Variants in BCAS3 observed in about 807,000 individuals in gnomAD.
The protein encoded by BCAS3 is BCAS4/BCAS3 fusion.
Under a neutral mutation model 116.1 loss-of-function variants are expected in BCAS3, and 53 were observed. That is an observed-to-expected ratio of 0.46 (90% confidence interval 0.37 to 0.57). The LOEUF is 0.57. BCAS3 is among the 20% of genes least tolerant of loss of function. The pLI is 0.00. For missense variants in BCAS3, 917 were observed against 1,165.4 expected (o/e 0.79, Z 3.10); for synonymous variants, 391 against 408.2 (o/e 0.96, Z 0.51).
At chr17:60,753,383 T>TTTTTTTTA (rs1555694760) in intron 6 of BCAS3, among the ~76,000 whole-genome samples, 21 of 135,638 alleles carry the variant, frequency 1.5e-4, no homozygotes, top group South Asian at 9.9e-4. Flanking sequence ...TTGTCTCTTA[T>TTTTTTTTA]TTTATTTATT....
intron 19 of BCAS3, 24 bp from the exon 20 acceptor site, chr17:61,074,896 A>C: frequency 1.9e-6 from 3 of 1,545,752 alleles, no homozygotes; most frequent in Non-Finnish European, 2.7e-6. Flanking sequence ...GAAGTGGTTT[A>C]AATCTATTTT....
Position 61,045,900 on chromosome 17 carries a change from T to A in BCAS3, c.2029+5008T>A, listed in dbSNP as rs1600732695. Among the ~76,000 whole-genome samples, 2 of 36,772 alleles carry A rather than the reference T, an allele frequency of 5.4e-5. 1 individual carries two copies. The highest frequency in any genetic ancestry group is 1.6e-3 in the East Asian group (2 of 1,218). The allele number at this position is 36,772 out of a possible 152,430, so 24.1% of individuals were successfully genotyped here. ...AAATATATATTATATATATAATATA[T>A]ATAAATATATATTTATATATATAAT... On this transcript the variant is annotated intron_variant, in intron 19 of 23. Transcript: ENST00000407086.
At chr17:60,893,600 C>CTTTTTT (rs930873750) in intron 10 of BCAS3, among the ~76,000 whole-genome samples, 31 of 82,054 alleles carry the variant, frequency 3.8e-4, no homozygotes, top group African/African-American at 7.0e-4. Context: ...GACCTATGAT[C>CTTTTTT]TTTTTTTTTT....
chr17:61,085,325 A>AT (rs1460443934), intron 22 of BCAS3, among the ~76,000 whole-genome samples: 1 of 152,212 alleles, frequency 6.6e-6, no homozygotes, highest in Non-Finnish European at 1.5e-5. Flanking sequence ...CTCAAGTAGA[A>AT]TTATTAAATA....
rs955126165 is a variant in BCAS3 at position 61,332,895 on chromosome 17, C to T, written c.2426-35432C>T. 4.6e-5 allele frequency among the ~76,000 whole-genome samples: 7 copies of T among 152,266 alleles called. No homozygotes were observed. The highest frequency in any genetic ancestry group is 1.2e-4 in the African/African-American group (5 of 41,562). ...CCTCCCAAAGTGCTGGGATTATAGG[C>T]GTGAGCCATGGCACCCGGCCTATCC... On this transcript the variant is annotated intron_variant, in intron 22 of 23. Transcript: ENST00000407086. This position sits in a 1 kb window ranked among gnomAD's most constrained non-coding sequence, Gnocchi z 5.4.
chr17:61,272,560 GC>G (rs1225178482), intron 22 of BCAS3, among the ~76,000 whole-genome samples: 2 of 134,278 alleles, frequency 1.5e-5, no homozygotes, highest in East Asian at 2.6e-4. Flanking sequence ...GATTGCTTGA[GC>G]CCAGGAGGTC....
Position 61,391,663 on chromosome 17 carries a change from C to T in BCAS3, c.2594-314C>T, listed in dbSNP as rs1369650888. On this transcript the variant is annotated intron_variant, in intron 23 of 23. Transcript: ENST00000407086. The surrounding 1 kb of genome is among the most constrained non-coding windows in gnomAD (Gnocchi z 7.7). ...GCATGAGTGTGTGCAGGCGTGGGTACGGGCTCATGAAGAGCTGTGTAGTCC... is the reference window on the plus strand; with the variant it reads ...GCATGAGTGTGTGCAGGCGTGGGTATGGGCTCATGAAGAGCTGTGTAGTCC... The T allele has an allele frequency of 2.0e-5, 6 of 306,522 alleles. No homozygotes were observed. The highest frequency in any genetic ancestry group is 4.4e-5 in the African/African-American group (2 of 45,802). 19.0% of individuals were successfully genotyped at this position (306,522 alleles called of 1,614,324 possible). A position where few individuals can be genotyped will look rare whatever the true frequency, so the allele number is the denominator to read the frequency against.
chr17:61,265,529 T>G lies in BCAS3; in HGVS notation c.2426-102798T>G, dbSNP rs1272856970. On this transcript the variant is annotated intron_variant, in intron 22 of 23. Transcript: ENST00000407086. This position sits in a 1 kb window ranked among gnomAD's most constrained non-coding sequence, Gnocchi z 4.3. Reference sequence around the variant, plus strand: ...TCAACATCTCCCTTGGAAAATACTCTAGACCAAATTTCTGCTTCTGTGGGC... The same window carrying G: ...TCAACATCTCCCTTGGAAAATACTCGAGACCAAATTTCTGCTTCTGTGGGC... 1.3e-5 allele frequency among the ~76,000 whole-genome samples: 2 copies of G among 152,210 alleles called. No homozygotes were observed. Among genetic ancestry groups the G allele is most frequent in the African/African-American group, 4.8e-5 (2 of 41,452 alleles).
intron 22 of BCAS3, among the ~76,000 whole-genome samples, chr17:61,185,629 A>T (rs1018173016): frequency 6.6e-6 from 1 of 152,188 alleles, no homozygotes; most frequent in African/African-American, 2.4e-5. Flanking sequence ...TTGAATTAAG[A>T]TGGACAAATG....
At chr17:61,183,867 C>T (rs1424417664) in intron 22 of BCAS3, among the ~76,000 whole-genome samples, 1 of 152,208 alleles carries the variant, frequency 6.6e-6, no homozygotes, top group Non-Finnish European at 1.5e-5. Context: ...ATGTTATGCC[C>T]TTCTCAGCTA....
At chr17:61,052,017 G>A (rs2068903367) in intron 19 of BCAS3, among the ~76,000 whole-genome samples, 1 of 151,968 alleles carries the variant, frequency 6.6e-6, no homozygotes, top group Non-Finnish European at 1.5e-5. Flanking sequence ...TAGAGAAAAA[G>A]CAATGAACTA....
rs2059924234 is a variant in BCAS3, at chr17:61,387,631, G to A, written c.2594-4346G>A. 1.3e-5 allele frequency among the ~76,000 whole-genome samples: 2 copies of A among 152,122 alleles called. No individual in the cohort carries two copies. The highest frequency in any genetic ancestry group is 4.1e-4 in the South Asian group (2 of 4,822). ...TCCATCCTGGCCCAAGGCATAGAGG[G>A]GCAGCTGCGGGTAACAGGCCCATTT... On this transcript the variant is annotated intron_variant, in intron 23 of 23. Transcript: ENST00000407086. This position sits in a 1 kb window ranked among gnomAD's most constrained non-coding sequence, Gnocchi z 6.2.
Position 61,134,623 on chromosome 17 carries a change from AT to A in BCAS3, c.2425+50060del, listed in dbSNP as rs2076521384. Among the ~76,000 whole-genome samples the A allele has an allele frequency of 6.6e-6, 1 of 152,214 alleles. No homozygotes were observed. Among genetic ancestry groups the A allele is most frequent in the Admixed American group, 6.5e-5 (1 of 15,288 alleles). ...GTGGGACATTTAGAGACAAACTGAA[AT>A]GGTGATTGTAATGACATTTCAAGTT... On this transcript the variant is annotated intron_variant, in intron 22 of 23. Coordinates refer to ENST00000407086, the MANE Select transcript of BCAS3 (RefSeq NM_017679.5). The surrounding 1 kb of genome is among the most constrained non-coding windows in gnomAD (Gnocchi z 4.6).
At chr17:61,060,648 A>G (rs1311296186) in intron 19 of BCAS3, among the ~76,000 whole-genome samples, 2 of 152,226 alleles carry the variant, frequency 1.3e-5, no homozygotes, top group Non-Finnish European at 2.9e-5. Context: ...TGAAACATTC[A>G]TAAAATAGTT....
chr17:60,947,347 G>A lies in BCAS3; in HGVS notation c.1216G>A (p.Ala406Thr), dbSNP rs1247493414. 6.2e-7 allele frequency: 1 copy of A among 1,612,182 alleles called. No homozygotes were observed. Among genetic ancestry groups the A allele is most frequent in the Non-Finnish European group, 8.5e-7 (1 of 1,179,108 alleles). The change falls in exon 14 of 24, where the codon GCC (alanine) becomes ACC (threonine). Residue 406 changes from alanine to threonine, a missense_variant. This residue lies in a region of BCAS3 where 807 missense variants were observed against 1,026.0 expected (regional missense o/e 0.79). Transcript: ENST00000407086. ...LYTLHRGETE[A>T]KVQDICFSHD... ...TACTCTTCACAGGGGAGAAACTGAAGCCAAAGTAAGCTGTATAATTTTTCA... is the reference window on the plus strand; with the variant it reads ...TACTCTTCACAGGGGAGAAACTGAAACCAAAGTAAGCTGTATAATTTTTCA...
In BCAS3 at chr17:61,051,424, TCA is replaced by T. The variant is rs979859398; in HGVS notation, c.2029+10539_2029+10540del. 1.3e-5 allele frequency among the ~76,000 whole-genome samples: 2 copies of T among 149,624 alleles called. No individual in the cohort carries two copies. Among genetic ancestry groups the T allele is most frequent in the Non-Finnish European group, 3.0e-5 (2 of 66,442 alleles). ...ACATGTGATAAAATTGAATAGACCC[TCA>T]CACACATAAATTGAGTGTAAAACTG... On this transcript the variant is annotated intron_variant, in intron 19 of 23. Transcript: ENST00000407086. This position sits in a 1 kb window ranked among gnomAD's most constrained non-coding sequence, Gnocchi z 4.1.
chr17:61,290,937 C>G (rs1401516327), intron 22 of BCAS3, among the ~76,000 whole-genome samples: 1 of 152,094 alleles, frequency 6.6e-6, no homozygotes, highest in East Asian at 1.9e-4. Context: ...CCTGCCACCA[C>G]GCCCGGCTAA....
At position 61,324,765 on chromosome 17, in the gene BCAS3, A is replaced by C. The variant is rs2055587937; in HGVS notation, c.2426-43562A>C. Among the ~76,000 whole-genome samples the C allele has an allele frequency of 6.6e-6, 1 of 151,770 alleles. No homozygotes were observed. Among genetic ancestry groups the C allele is most frequent in the African/African-American group, 2.4e-5 (1 of 41,256 alleles). On this transcript the variant is annotated intron_variant, in intron 22 of 23. Transcript: ENST00000407086. The surrounding 1 kb of genome is among the most constrained non-coding windows in gnomAD (Gnocchi z 4.6). The stretch of plus-strand genomic sequence containing the variant: ...TATAATCTCAGAAGGCGGGAGGATC[A>C]GTTGAGCTCAGGAGTTCAAGACCAG...
At chr17:61,050,723 G>T (rs922967109) in intron 19 of BCAS3, among the ~76,000 whole-genome samples, 8 of 151,918 alleles carry the variant, frequency 5.3e-5, no homozygotes, top group African/African-American at 1.9e-4. Context: ...GATTTAAAAA[G>T]TAAGTTCTAA....
Sources: gnomAD v4.1 joint callset for allele counts (sites outside exome capture counted in the v4.1 genomes callset) on GRCh38, gnomAD v4.1.1 for gene constraint, gnomAD v4.1.1 regional missense constraint, Gnocchi (gnomAD v3.1) non-coding constraint, MANE v1.5 for transcripts, NCBI Gene and HGNC (gene_info 2026-07-23, HGNC 2026-07-21) for gene names.